The following UQCR10 variants were observed in gnomAD, a reference collection of about 807,000 sequenced individuals.
The protein encoded by UQCR10 is ubiquinol-cytochrome c reductase, complex III subunit X, also known as cytochrome b-c1 complex subunit 9.
In UQCR10, 5 loss-of-function variants were observed where a neutral mutation model predicts 6.0. The ratio of observed to expected loss-of-function variants is 0.83; its 90% CI spans 0.43 to 1.74. The LOEUF is 1.74. Among genes scored for constraint, UQCR10 ranks in the 40% most tolerant of loss-of-function variants. The pLI is 0.02. For missense variants in UQCR10, 101 were observed against 85.1 expected, an observed-to-expected ratio of 1.19 and a Z score of -0.74; for synonymous variants, 40 against 37.4, an observed-to-expected ratio of 1.07 and a Z score of -0.26.
intron 1 of UQCR10, among the ~76,000 whole-genome samples, chr22:29,767,931 G>A (rs1388321020): frequency 6.6e-6 from 1 of 152,302 alleles, no homozygotes; most frequent in Admixed American, 6.5e-5. Flanking sequence ...GCAGGCGACG[G>A]TCGTGAAAAG....
At chr22:29,769,290 T>C (rs1393699792) in intron 1 of UQCR10, among the ~76,000 whole-genome samples, 1 of 152,082 alleles carries the variant, frequency 6.6e-6, no homozygotes, top group Non-Finnish European at 1.5e-5. Context: ...TCACTTGAGG[T>C]CAGGAGTTTG....
chr22:29,770,022 C>A lies in UQCR10; in HGVS notation c.*303C>A. The A allele has an allele frequency of 1.8e-6, 1 of 548,686 alleles. No homozygotes were observed. The highest frequency in any genetic ancestry group is 3.5e-6 in the Non-Finnish European group (1 of 289,756). 34.0% of individuals were successfully genotyped at this position (548,686 alleles called of 1,614,324 possible). ...AGTAATTTGAGACCACTTCAAAGCC[C>A]TCTGCAAACACCCCAAAGGCAGAAT... On this transcript the variant is annotated 3_prime_UTR_variant, in exon 2 of 2. Transcript: ENST00000330029.
chr22:29,769,432 G>T (rs1267353088), intron 1 of UQCR10, among the ~76,000 whole-genome samples: 1 of 152,132 alleles, frequency 6.6e-6, no homozygotes, highest in East Asian at 1.9e-4. Flanking sequence ...AAGAGGCTGA[G>T]GTTGCAGTGA....
At chr22:29,768,322 A>G (rs184101675) in intron 1 of UQCR10, among the ~76,000 whole-genome samples, 1 of 152,198 alleles carries the variant, frequency 6.6e-6, no homozygotes, top group African/African-American at 2.4e-5. Flanking sequence ...TGTATCATGC[A>G]CTGTGCTAGG....
In UQCR10 at chr22:29,767,376, C is replaced by T. The variant is rs1300672026; in HGVS notation, c.-23C>T. ...GTCGGCCCCAGCGCAGGCGCGGTGG[C>T]GCGAGTTGGACTGTGAAGAAACATG... On this transcript the variant is annotated 5_prime_UTR_variant, in exon 1 of 2. Coordinates refer to ENST00000330029, the MANE Select transcript of UQCR10 (RefSeq NM_013387.4). 3.7e-6 allele frequency: 6 copies of T among 1,604,832 alleles called. No individual in the cohort carries two copies. Among genetic ancestry groups the T allele is most frequent in the African/African-American group, 2.7e-5 (2 of 74,698 alleles).
At chr22:29,769,476 G>A (rs1490106013) in intron 1 of UQCR10, among the ~76,000 whole-genome samples, 3 of 152,048 alleles carry the variant, frequency 2.0e-5, no homozygotes, top group Non-Finnish European at 2.9e-5. Flanking sequence ...CAGCCTGGGC[G>A]ATAGAGCGAG....
chr22:29,767,371 G>C lies in UQCR10; in HGVS notation c.-28G>C, dbSNP rs2068227119. 2 of 1,427,334 alleles carry C rather than the reference G, an allele frequency of 1.4e-6. No individual in the cohort carries two copies. Among genetic ancestry groups the C allele is most frequent in the African/African-American group, 1.4e-5 (1 of 72,206 alleles). The allele number at this position is 1,427,334 out of a possible 1,614,324, so 88.4% of individuals were successfully genotyped here. ...ACGAGGTCGGCCCCAGCGCAGGCGC[G>C]GTGGCGCGAGTTGGACTGTGAAGAA... On this transcript the variant is annotated 5_prime_UTR_variant, in exon 1 of 2. Transcript: ENST00000330029.
In UQCR10 at chr22:29,767,391, G is replaced by A. The variant is rs1290534292; in HGVS notation, c.-8G>A. 1.2e-6 allele frequency: 2 copies of A among 1,612,342 alleles called. No individual in the cohort carries two copies. On this transcript the variant is annotated 5_prime_UTR_variant, in exon 1 of 2. Coordinates refer to ENST00000330029, the MANE Select transcript of UQCR10 (RefSeq NM_013387.4). ...GGCGCGGTGGCGCGAGTTGGACTGTGAAGAAACATGGCGGCCGCGACGTTG... is the reference window on the plus strand; with the variant it reads ...GGCGCGGTGGCGCGAGTTGGACTGTAAAGAAACATGGCGGCCGCGACGTTG...
chr22:29,770,175 T>G lies in UQCR10; in HGVS notation c.*456T>G. The G allele has an allele frequency of 2.8e-6, 1 of 359,754 alleles. No individual in the cohort carries two copies. Among genetic ancestry groups the G allele is most frequent in the Non-Finnish European group, 5.4e-6 (1 of 184,218 alleles). 22.3% of individuals were successfully genotyped at this position (359,754 alleles called of 1,614,324 possible). On this transcript the variant is annotated 3_prime_UTR_variant, in exon 2 of 2. Transcript: ENST00000330029. The stretch of plus-strand genomic sequence containing the variant: ...TTCCATTCTTAAATACCTCACTGTC[T>G]TGGCCATGGGGAAGCACTATGGCCT...
At chr22:29,767,926 C>T (rs1371991425) in intron 1 of UQCR10, among the ~76,000 whole-genome samples, 1 of 152,012 alleles carries the variant, frequency 6.6e-6, no homozygotes, top group Non-Finnish European at 1.5e-5. Flanking sequence ...TTTGAGCAGG[C>T]GACGGTCGTG....
chr22:29,769,869 C>A lies in UQCR10; in HGVS notation c.*150C>A. 1 of 881,116 alleles carries A rather than the reference C, an allele frequency of 1.1e-6. No homozygotes were observed. Among genetic ancestry groups the A allele is most frequent in the Non-Finnish European group, 1.9e-6 (1 of 538,908 alleles). The allele number at this position is 881,116 out of a possible 1,614,324, so 54.6% of individuals were successfully genotyped here. ...GCAAGAAACGGCTTTACTTACAAAA[C>A]AGACTCTTTACCTTCTGCTGTGTTT... is the stretch of plus-strand genomic sequence containing the variant. On this transcript the variant is annotated 3_prime_UTR_variant, in exon 2 of 2. Transcript: ENST00000330029.
At position 29,769,777 on chromosome 22, in the gene UQCR10, C is replaced by A; in HGVS notation, c.*58C>A. Reference sequence around the variant, plus strand: ...CCAGGTCCACCCAGCAGCTGTTTGCCCAGAGCTGGAGCCTCAGCTTGAAGA... The same window carrying A: ...CCAGGTCCACCCAGCAGCTGTTTGCACAGAGCTGGAGCCTCAGCTTGAAGA... On this transcript the variant is annotated 3_prime_UTR_variant, in exon 2 of 2. Transcript: ENST00000330029. 1 of 1,570,532 alleles carries A rather than the reference C, an allele frequency of 6.4e-7. No individual in the cohort carries two copies. Among genetic ancestry groups the A allele is most frequent in the Admixed American group, 1.8e-5 (1 of 54,068 alleles).
intron 1 of UQCR10, 128 bp downstream of exon 1, chr22:29,767,676 C>G (rs1414030906): frequency 2.2e-6 from 3 of 1,354,502 alleles, no homozygotes; most frequent in Non-Finnish European, 3.0e-6. Context: ...TCTTCTGTCT[C>G]GAGTCCGCCG....
At chr22:29,768,527 TC>T (rs2068240820) in intron 1 of UQCR10, among the ~76,000 whole-genome samples, 1 of 152,184 alleles carries the variant, frequency 6.6e-6, no homozygotes, top group African/African-American at 2.4e-5. Flanking sequence ...ATTGCTACTG[TC>T]CCATCTCTTG....
In UQCR10 at chr22:29,767,383, T is replaced by G. The variant is rs2068227310; in HGVS notation, c.-16T>G. The G allele has an allele frequency of 2.1e-6, 3 of 1,420,774 alleles. No homozygotes were observed. Among genetic ancestry groups the G allele is most frequent in the African/African-American group, 1.4e-5 (1 of 72,156 alleles). The allele number at this position is 1,420,774 out of a possible 1,614,324, so 88.0% of individuals were successfully genotyped here. A position where few individuals can be genotyped will look rare whatever the true frequency, so the allele number is the denominator to read the frequency against. Reference sequence around the variant, plus strand: ...CCAGCGCAGGCGCGGTGGCGCGAGTTGGACTGTGAAGAAACATGGCGGCCG... The same window carrying G: ...CCAGCGCAGGCGCGGTGGCGCGAGTGGGACTGTGAAGAAACATGGCGGCCG... On this transcript the variant is annotated 5_prime_UTR_variant, in exon 1 of 2. Transcript: ENST00000330029.
At chr22:29,767,654 A>T (rs1461938334) in intron 1 of UQCR10, 106 bp downstream of exon 1, 2 of 1,438,280 alleles carry the variant, frequency 1.4e-6, no homozygotes, top group Non-Finnish European at 1.9e-6. Flanking sequence ...GGTAAGGGGT[A>T]AACCGTCGGC....
At chr22:29,767,589 G>A (rs1463397775) in intron 1 of UQCR10, 41 bp downstream of exon 1, 6 of 1,539,348 alleles carry the variant, frequency 3.9e-6, no homozygotes, top group Middle Eastern at 1.7e-4. Flanking sequence ...CCCGCCTGAG[G>A]GGTGACAGTG....
intron 1 of UQCR10, among the ~76,000 whole-genome samples, chr22:29,769,347 C>G (rs1159844263): frequency 1.3e-5 from 2 of 152,106 alleles, no homozygotes; most frequent in African/African-American, 4.8e-5. Flanking sequence ...ACTAAAAATA[C>G]AAAAATTAGC....
At chr22:29,769,517 G>A (rs1179693345) in intron 1 of UQCR10, among the ~76,000 whole-genome samples, 161 bp from the exon 2 acceptor site, 2 of 152,152 alleles carry the variant, frequency 1.3e-5, no homozygotes, top group African/African-American at 4.8e-5. Context: ...TGTGCATCAA[G>A]CATAGGATTG....
Sources: allele counts gnomAD v4.1 joint callset (sites outside exome capture counted in the v4.1 genomes callset), GRCh38; gene constraint gnomAD v4.1.1; transcripts MANE v1.5; gene names NCBI Gene and HGNC (gene_info 2026-07-23, HGNC 2026-07-21).